SCFD2: variants seen among roughly 807,000 people sequenced by gnomAD.
The protein encoded by SCFD2 is sec1 family domain containing 2.
Under a neutral mutation model 58.9 loss-of-function variants are expected in SCFD2, and 54 were observed. The ratio of observed to expected loss-of-function variants is 0.92; its 90% CI spans 0.74 to 1.15. The LOEUF (loss-of-function observed/expected upper bound fraction) is 1.15, where lower values mean the gene tolerates loss of function less well. Ranked by LOEUF, SCFD2 falls within the 50% of genes most tolerant of loss-of-function variation. The probability of loss-of-function intolerance (pLI) is 0.00; values close to 1 mark genes in which losing one functional copy is unlikely to be tolerated. For missense variants in SCFD2, 805 were observed against 836.6 expected (o/e 0.96, Z 0.47); for synonymous variants, 321 against 335.9 (o/e 0.96, Z 0.49).
At position 53,352,687 on chromosome 4, in the gene SCFD2, A is replaced by G. The variant is rs757490896; in HGVS notation, c.918T>C (p.Asp306=). The change falls in exon 2 of 9, where the codon GAT becomes GAC. Residue 306 remains aspartate, a synonymous_variant. Transcript: ENST00000401642. ...ALPQLPGHTN[D]VMVNMIALTA... ...TGAGCGCTATCATGTTAACCATCACATCATTTGTGTGGCCTGGGAGCTGGG... is the reference window on the plus strand; with the variant it reads ...TGAGCGCTATCATGTTAACCATCACGTCATTTGTGTGGCCTGGGAGCTGGG... 4 of 1,613,916 alleles carry G rather than the reference A, an allele frequency of 2.5e-6. No homozygotes were observed. Among genetic ancestry groups the G allele is most frequent in the Non-Finnish European group, 3.4e-6 (4 of 1,179,952 alleles).
intron 5 of SCFD2, among the ~76,000 whole-genome samples, chr4:52,936,049 C>T (rs1720129140): frequency 6.6e-6 from 1 of 152,088 alleles, no homozygotes; most frequent in South Asian, 2.1e-4. Flanking sequence ...GCTGTTCAGG[C>T]TGGTCTCAAA....
intron 7 of SCFD2, among the ~76,000 whole-genome samples, chr4:52,888,233 GT>G (rs1287735196): frequency 1.6e-4 from 25 of 152,194 alleles, no homozygotes; most frequent in African/African-American, 5.3e-4. Context: ...AGTTATGTAA[GT>G]TATTCCTTGG....
intron 5 of SCFD2, among the ~76,000 whole-genome samples, chr4:52,993,157 G>A (rs1721661547): frequency 6.6e-6 from 1 of 152,124 alleles, no homozygotes; most frequent in Admixed American, 6.5e-5. Flanking sequence ...ATTAAGGGCG[G>A]TGCAAGATGT....
intron 8 of SCFD2, among the ~76,000 whole-genome samples, chr4:52,878,124 C>T (rs1434911313): frequency 6.6e-6 from 1 of 152,172 alleles, no homozygotes; most frequent in African/African-American, 2.4e-5. Context: ...CTGAGTGTGT[C>T]CCCCTGGCTG....
chr4:53,365,908 G>T lies in SCFD2; in HGVS notation c.34C>A (p.Gln12Lys), dbSNP rs1321173546. ...TTGGCCAGCACCTGCTCCCATCCTT[G>T]CTGGGTAAAGGACAGTACGCCCGAG... ...SASGVLSFTQ[Q>K]GWEQVLAKVK... The change falls in exon 1 of 9, where the codon CAA becomes AAA. Residue 12 changes from glutamine to lysine, a missense_variant. Transcript: ENST00000401642. This position sits in a 1 kb window ranked among gnomAD's most constrained non-coding sequence, Gnocchi z 4.3. 1 of 1,589,042 alleles carries T rather than the reference G, an allele frequency of 6.3e-7. No individual in the cohort carries two copies. The highest frequency in any genetic ancestry group is 1.3e-5 in the African/African-American group (1 of 74,750).
At chr4:53,167,944 A>G (rs1447664882) in intron 4 of SCFD2, among the ~76,000 whole-genome samples, 1 of 152,244 alleles carries the variant, frequency 6.6e-6, no homozygotes, top group African/African-American at 2.4e-5. Flanking sequence ...TCTTGGAGTA[A>G]TATGAGGCTG....
chr4:53,215,014 C>T (rs1728767794), intron 4 of SCFD2, among the ~76,000 whole-genome samples: 1 of 152,016 alleles, frequency 6.6e-6, no homozygotes, highest in African/African-American at 2.4e-5. Context: ...TGGTCTATAT[C>T]TCTGTTTTGG....
chr4:53,061,509 G>T (rs1240004574), intron 5 of SCFD2, among the ~76,000 whole-genome samples: 2 of 152,090 alleles, frequency 1.3e-5, no homozygotes, highest in Non-Finnish European at 2.9e-5. Context: ...TCTCTTACTT[G>T]CCAGAAGGCA....
At chr4:53,274,653 T>G (rs1731275111) in intron 3 of SCFD2, among the ~76,000 whole-genome samples, 1 of 152,198 alleles carries the variant, frequency 6.6e-6, no homozygotes, top group South Asian at 2.1e-4. Flanking sequence ...CATAAAAGCA[T>G]AGAGACTATA....
intron 3 of SCFD2, among the ~76,000 whole-genome samples, chr4:53,305,027 T>C (rs1577952687): frequency 6.6e-6 from 1 of 152,142 alleles, no homozygotes; most frequent in African/African-American, 2.4e-5. Flanking sequence ...TTTTTGTTGA[T>C]GTTGATACTA....
intron 7 of SCFD2, among the ~76,000 whole-genome samples, chr4:52,901,186 C>T (rs2086728): frequency 0.013 from 1,905 of 152,312 alleles, 45 homozygotes; most frequent in African/African-American, 0.044. Context: ...GTGAGATGAA[C>T]CCGGTACCTC....
At chr4:53,012,243 G>C (rs1013332341) in intron 5 of SCFD2, among the ~76,000 whole-genome samples, 1 of 152,046 alleles carries the variant, frequency 6.6e-6, no homozygotes, top group Non-Finnish European at 1.5e-5. Context: ...CCGTGAAATC[G>C]AACAACTGCA....
chr4:52,968,055 A>G (rs536686934), intron 5 of SCFD2, among the ~76,000 whole-genome samples: 5 of 152,324 alleles, frequency 3.3e-5, no homozygotes, highest in African/African-American at 7.2e-5. Context: ...TCAATTCAAA[A>G]GCCACAACAG....
chr4:53,106,402 G>T (rs1414299710), intron 5 of SCFD2, among the ~76,000 whole-genome samples: 1 of 152,166 alleles, frequency 6.6e-6, no homozygotes, highest in Admixed American at 6.5e-5. Flanking sequence ...GGCTTCAGAA[G>T]GTGGGTAATA....
intron 4 of SCFD2, among the ~76,000 whole-genome samples, chr4:53,165,209 A>G (rs1324118669): frequency 2.0e-5 from 3 of 152,236 alleles, no homozygotes; most frequent in Admixed American, 1.3e-4. Flanking sequence ...AAGGTGAATT[A>G]GGCAAATAGA....
At chr4:53,237,944 CG>C in intron 4 of SCFD2, among the ~76,000 whole-genome samples, 1 of 121,856 alleles carries the variant, frequency 8.2e-6, no homozygotes, top group African/African-American at 3.1e-5. Flanking sequence ...GGCGGCTGGC[CG>C]GGCGAGGGGC....
At chr4:53,364,980 T>C (rs1276686289) in intron 1 of SCFD2, 124 bp downstream of exon 1, 23 of 1,151,680 alleles carry the variant, frequency 2.0e-5, no homozygotes, top group Non-Finnish European at 2.8e-5. Context: ...ACCGTGTCCA[T>C]CTAGTTCATC....
intron 4 of SCFD2, among the ~76,000 whole-genome samples, chr4:53,227,870 G>C (rs1343538177): frequency 6.6e-6 from 1 of 152,154 alleles, no homozygotes; most frequent in Non-Finnish European, 1.5e-5. Flanking sequence ...TAAACAGGCA[G>C]AGCTGCACTT....
At chr4:53,302,321 A>G (rs1171465603) in intron 3 of SCFD2, among the ~76,000 whole-genome samples, 1 of 152,168 alleles carries the variant, frequency 6.6e-6, no homozygotes, top group East Asian at 1.9e-4. Context: ...ACAAACAGAT[A>G]GCCAAATCAT....
Sources: gnomAD v4.1 joint callset for allele counts (sites outside exome capture counted in the v4.1 genomes callset) on GRCh38, gnomAD v4.1.1 for gene constraint, Gnocchi (gnomAD v3.1) non-coding constraint, MANE v1.5 for transcripts, NCBI Gene and HGNC (gene_info 2026-07-23, HGNC 2026-07-21) for gene names.